Variants in CCNH observed in about 807,000 individuals in gnomAD.
CCNH encodes the protein cyclin H.
A neutral mutation model predicts 41.9 loss-of-function variants in CCNH; 31 were observed. That is an observed-to-expected ratio of 0.74 (90% CI 0.56 to 1.00). CCNH has a LOEUF of 1.00. CCNH is among the 50% of genes least tolerant of loss of function. CCNH has a pLI of 0.00. For synonymous variants in CCNH, 138 were observed against 136.1 expected (o/e 1.01, Z -0.10); for missense variants, 362 against 388.4 (o/e 0.93, Z 0.57).
At chr5:87,317,376 A>G (rs890396771), downstream of CCNH, among the ~76,000 whole-genome samples, 2 of 152,158 alleles carry the variant, frequency 1.3e-5, no homozygotes, top group African/African-American at 4.8e-5. Context: ...GGGAGAATCA[A>G]AATTACATAT....
intron 9 of CCNH, chr5:87,333,405 G>T: frequency 1.3e-6 from 2 of 1,584,504 alleles, no homozygotes; most frequent in Non-Finnish European, 1.7e-6. Context: ...TATTACTCTT[G>T]GACTAGGAAG....
Position 87,349,417 on chromosome 5 carries a change from C to G in CCNH, c.*91-30520G>C, listed in dbSNP as rs1034508015. 1.9e-5 allele frequency: 30 copies of G among 1,576,414 alleles called. No individual in the cohort carries two copies. The South Asian group carries it at 3.0e-4, about 16-fold the overall frequency. On this transcript the variant is annotated intron_variant and NMD_transcript_variant, in intron 9 of 9. Coordinates refer to the CCNH transcript ENST00000645953. ...TACTTTTCGCAAAAATAGTTGAAAT[C>G]TTGATAATACAGTATTCAGAGTCAA... is the stretch of plus-strand genomic sequence containing the variant.
At chr5:87,331,578 A>C in intron 9 of CCNH, 2 of 1,467,926 alleles carry the variant, frequency 1.4e-6, no homozygotes, top group Non-Finnish European at 1.9e-6. Context: ...CTGTATAATA[A>C]AGGTGAATGA....
intron 9 of CCNH, among the ~76,000 whole-genome samples, chr5:87,352,317 C>T (rs1759332591): frequency 6.6e-6 from 1 of 151,030 alleles, no homozygotes; most frequent in South Asian, 2.1e-4. Context: ...CACACACACA[C>T]ATATATATTC....
In CCNH at chr5:87,395,050, A is replaced by C. The variant is rs781156139; in HGVS notation, c.927T>G (p.His309Gln). Residue 309 changes from histidine (H) to glutamine (Q), a missense_variant, in exon 8 of 9, where the codon CAT becomes CAG. Physicochemically the swap from His to Gln is conservative, Grantham distance 24 (BLOSUM62 0). Transcript: ENST00000256897. ...DDDYVSKKSK[H>Q]EEEEWTDDDL... ...TCTTTGGAGTAAAACATACCTCCTC[A>C]TGTTTGGATTTCTTTGAGACGTAAT... is the stretch of plus-strand genomic sequence containing the variant. 3 of 1,610,954 alleles carry C rather than the reference A, an allele frequency of 1.9e-6. No homozygotes were observed. The highest frequency in any genetic ancestry group is 2.2e-5 in the South Asian group (2 of 91,004).
chr5:87,340,261 G>GTC (rs1426347176), intron 9 of CCNH, among the ~76,000 whole-genome samples: 1 of 152,080 alleles, frequency 6.6e-6, no homozygotes, highest in Non-Finnish European at 1.5e-5. Flanking sequence ...CCTTTCTGGA[G>GTC]TCTCTTAGGC....
downstream of CCNH, chr5:87,371,977 G>C: frequency 1.8e-6 from 1 of 569,764 alleles, no homozygotes; most frequent in East Asian, 2.8e-5. Flanking sequence ...TTATTGTTAT[G>C]AAGTACAGTA....
chr5:87,400,748 A>G (rs758298105), intron 6 of CCNH, among the ~76,000 whole-genome samples: 1 of 152,260 alleles, frequency 6.6e-6, no homozygotes, highest in Admixed American at 6.5e-5. Context: ...TTTAATTACA[A>G]TACACATTTA....
chr5:87,374,491 CTTTA>C (rs1761183739), downstream of CCNH, among the ~76,000 whole-genome samples: 1 of 134,394 alleles, frequency 7.4e-6, no homozygotes, highest in Non-Finnish European at 1.6e-5. Flanking sequence ...GTTTGTTCAC[CTTTA>C]TTTGTGAAGT....
chr5:87,343,277 C>T (rs1033364743), intron 9 of CCNH, among the ~76,000 whole-genome samples: 10 of 152,178 alleles, frequency 6.6e-5, no homozygotes, highest in African/African-American at 2.4e-4. Flanking sequence ...ACCGCCTTCT[C>T]AAATCTTAAA....
intron 9 of CCNH, among the ~76,000 whole-genome samples, chr5:87,368,755 A>G (rs1445858184): frequency 6.6e-6 from 1 of 152,196 alleles, no homozygotes; most frequent in African/African-American, 2.4e-5. Context: ...TCTCAGCTAC[A>G]CAGCCAGCTT....
At chr5:87,343,558 GAT>G (rs1313612722) in intron 9 of CCNH, among the ~76,000 whole-genome samples, 1 of 152,168 alleles carries the variant, frequency 6.6e-6, no homozygotes, top group Non-Finnish European at 1.5e-5. Context: ...TTATCCAAAA[GAT>G]AGGCTATAAT....
At chr5:87,331,367 G>T in intron 9 of CCNH, 2 of 1,611,194 alleles carry the variant, frequency 1.2e-6, no homozygotes, top group Non-Finnish European at 1.7e-6. Flanking sequence ...CGGAAAACTT[G>T]ACAGAACGAT....
At chr5:87,398,499 A>C (rs1297619451) in intron 7 of CCNH, among the ~76,000 whole-genome samples, 1 of 152,224 alleles carries the variant, frequency 6.6e-6, no homozygotes, top group African/African-American at 2.4e-5. Flanking sequence ...CATTAATCCT[A>C]GTACCTGTCC....
rs1554044823 is a variant in CCNH at position 87,331,464 on chromosome 5, C to T, written c.*91-12567G>A. On this transcript the variant is annotated intron_variant and NMD_transcript_variant, in intron 9 of 9. Transcript: ENST00000645953. ...CGGAGGCCAGGGTCCTTTGTACTTT[C>T]ATTTCTTAGCCAGATGAATGTTGTC... The T allele has an allele frequency of 6.2e-7, 1 of 1,613,870 alleles. No individual in the cohort carries two copies. Among genetic ancestry groups the T allele is most frequent in the Non-Finnish European group, 8.5e-7 (1 of 1,179,844 alleles).
At chr5:87,341,874 C>G (rs77045754) in intron 9 of CCNH, among the ~76,000 whole-genome samples, 3,472 of 152,182 alleles carry the variant, frequency 0.023, 83 homozygotes, top group African/African-American at 0.05. Context: ...TCTTATCTTT[C>G]AGCATTTAGG....
At chr5:87,331,080 GA>G in intron 9 of CCNH, 1 of 984,696 alleles carries the variant, frequency 1.0e-6, no homozygotes, top group African/African-American at 1.6e-5. Context: ...GGCAATCCTG[GA>G]AGTAGGGAGA....
At chr5:87,333,094 C>A (rs1464258611) in intron 9 of CCNH, among the ~76,000 whole-genome samples, 1 of 151,970 alleles carries the variant, frequency 6.6e-6, no homozygotes, top group Non-Finnish European at 1.5e-5. Context: ...AAAACAGGAA[C>A]AACAAAAAAG....
chr5:87,360,709 G>T (rs1187689935), intron 9 of CCNH, among the ~76,000 whole-genome samples: 1 of 152,040 alleles, frequency 6.6e-6, no homozygotes, highest in Non-Finnish European at 1.5e-5. Flanking sequence ...GAAGTAATAT[G>T]GTTCACTCAG....
Sources: gnomAD v4.1 joint callset for allele counts (sites outside exome capture counted in the v4.1 genomes callset) on GRCh38, gnomAD v4.1.1 for gene constraint, MANE v1.5 for transcripts, NCBI Gene and HGNC (gene_info 2026-07-23, HGNC 2026-07-21) for gene names.